Variants in CPT1C observed in about 807,000 individuals in gnomAD.
CPT1C encodes carnitine palmitoyltransferase 1C, also known as palmitoyl thioesterase CPT1C.
CPT1C carries 61 observed loss-of-function variants against 97.3 expected under a neutral mutation model. The ratio of observed to expected loss-of-function variants is 0.63; its 90% confidence interval spans 0.51 to 0.78. CPT1C has a LOEUF of 0.78. Among genes scored for constraint, CPT1C ranks in the 30% least tolerant of loss-of-function variants. CPT1C has a pLI of 0.00. For synonymous variants in CPT1C, 469 were observed against 447.2 expected (o/e 1.05, Z -0.61); for missense variants, 975 against 1,065.5 (o/e 0.92, Z 1.18).
chr19:49,712,902 C>T, intron 18 of CPT1C, 53 bp downstream of exon 18: 2 of 1,591,394 alleles, frequency 1.3e-6, no homozygotes, highest in Non-Finnish European at 1.7e-6. Flanking sequence ...GCTGGGGGGC[C>T]TGCACTCCTG....
At chr19:49,702,163 A>G (rs7246934) in intron 7 of CPT1C, among the ~76,000 whole-genome samples, 1,371 of 85,038 alleles carry the variant, frequency 0.016, 19 homozygotes, top group Middle Eastern at 0.062. Context: ...ATAAATTATA[A>G]ATAAATATAT....
Position 49,692,282 on chromosome 19 carries a change from C to G in CPT1C, c.30C>G (p.Phe10Leu), listed in dbSNP as rs753325803. The G allele has an allele frequency of 3.1e-6, 5 of 1,613,954 alleles. No homozygotes were observed. Residue 10 changes from phenylalanine to leucine, a missense_variant, in exon 3 of 20, where the codon TTC becomes TTG. By Grantham distance (22) the Phe-to-Leu change is conservative. This residue lies in a region of CPT1C where 596 missense variants were observed against 603.1 expected (regional missense o/e 0.99). Coordinates refer to ENST00000598293, the MANE Select transcript of CPT1C (RefSeq NM_001199753.2). MAEAHQAVG[F>L]RPSLTSDGAE... ...CTGAAGCGCACCAGGCCGTGGGCTT[C>G]CGACCCTCGCTGACCTCGGACGGGG...
chr19:49,701,730 C>T (rs533195493), intron 7 of CPT1C, 96 bp downstream of exon 7: 13 of 1,386,842 alleles, frequency 9.4e-6, no homozygotes, highest in African/African-American at 7.4e-5. Context: ...CCCCACGACA[C>T]GCCCACAACC....
At position 49,713,619 on chromosome 19, in the gene CPT1C, G is replaced by A. The variant is rs781172167; in HGVS notation, c.*14G>A. The A allele has an allele frequency of 1.3e-6, 2 of 1,599,588 alleles. No homozygotes were observed. The highest frequency in any genetic ancestry group is 2.2e-5 in the East Asian group (1 of 44,818). On this transcript the variant is annotated 3_prime_UTR_variant, in exon 20 of 20. Coordinates refer to ENST00000598293, the MANE Select transcript of CPT1C (RefSeq NM_001199753.2). ...ACCGACTTCTGACTCCTTCCAGCAGGCAGCTGGCCTCTCCAAGGAATAAGG... is the reference window on the plus strand; with the variant it reads ...ACCGACTTCTGACTCCTTCCAGCAGACAGCTGGCCTCTCCAAGGAATAAGG...
At chr19:49,693,067 T>C (rs958099528) in intron 3 of CPT1C, among the ~76,000 whole-genome samples, 2 of 152,194 alleles carry the variant, frequency 1.3e-5, no homozygotes, top group Admixed American at 6.5e-5. Context: ...TTTGTATTTT[T>C]AGTAGAGACG....
intron 10 of CPT1C, among the ~76,000 whole-genome samples, chr19:49,705,588 G>A (rs914635065): frequency 3.3e-5 from 5 of 151,956 alleles, no homozygotes; most frequent in Admixed American, 2.0e-4. Flanking sequence ...AGTGAGATCC[G>A]GTCTATATAC....
At chr19:49,708,002 C>CAAAAAAAAAAAAAAA (rs60276067) in intron 13 of CPT1C, among the ~76,000 whole-genome samples, 6 of 56,780 alleles carry the variant, frequency 1.1e-4, no homozygotes, top group African/African-American at 1.2e-4. Flanking sequence ...GAATACATCT[C>CAAAAAAAAAAAAAAA]AAAAAAAAAA....
At chr19:49,702,270 A>G (rs896888484) in intron 7 of CPT1C, among the ~76,000 whole-genome samples, 1 of 148,570 alleles carries the variant, frequency 6.7e-6, no homozygotes, top group African/African-American at 2.5e-5. Flanking sequence ...TTTGGGGTAT[A>G]GATGCTCCAG....
rs1425107495 is a variant in CPT1C at position 49,705,078 on chromosome 19, G to A, written c.843G>A (p.Leu281=). ...RAGNAVHALL[L]YRHRLNRQEI... is the part of the protein sequence containing the mutation. ...GGAATGCCGTCCATGCCCTCCTCCT[G>A]TACCGCCACCGCCTGAACCGCCAGG... Residue 281 remains leucine, a synonymous_variant, in exon 9 of 20, where the codon CTG becomes CTA. Transcript: ENST00000598293. 6.2e-7 allele frequency: 1 copy of A among 1,613,856 alleles called. No homozygotes were observed. Among genetic ancestry groups the A allele is most frequent in the South Asian group, 1.1e-5 (1 of 91,066 alleles).
rs772960136 is a variant in CPT1C, at chr19:49,700,664, C to T, written c.282-20C>T. The T allele has an allele frequency of 3.1e-6, 5 of 1,603,052 alleles. No homozygotes were observed. Among genetic ancestry groups the T allele is most frequent in the African/African-American group, 1.3e-5 (1 of 74,906 alleles). Reference sequence around the variant, plus strand: ...TGAGGCCAGGAGACCCAGGCCCAGCCTCTGTTTCTCTCCCCGCAGGGGTGG... The same window carrying T: ...TGAGGCCAGGAGACCCAGGCCCAGCTTCTGTTTCTCTCCCCGCAGGGGTGG... On this transcript the variant is annotated intron_variant, in intron 4 of 19. Transcript: ENST00000598293.
chr19:49,710,505 ACAGCCCCCG>A, intron 15 of CPT1C, 21 bp downstream of exon 15: 1 of 1,613,932 alleles, frequency 6.2e-7, no homozygotes, highest in Non-Finnish European at 8.5e-7. Context: ...TTCCCCATCC[ACAGCCCCCG>A]CAGGGTCTCA....
intron 12 of CPT1C, among the ~76,000 whole-genome samples, chr19:49,707,197 C>G (rs2083549667): frequency 6.6e-6 from 1 of 152,098 alleles, no homozygotes; most frequent in Non-Finnish European, 1.5e-5. Context: ...ATCACTTGAA[C>G]CCTCAGCTAC....
intron 7 of CPT1C, among the ~76,000 whole-genome samples, chr19:49,704,489 C>T (rs1051274578): frequency 6.6e-6 from 1 of 152,150 alleles, no homozygotes; most frequent in African/African-American, 2.4e-5. Context: ...TTATTTCCAC[C>T]AGCTATGTAA....
intron 16 of CPT1C, 157 bp from the exon 17 acceptor site, chr19:49,711,652 C>T: frequency 5.2e-6 from 4 of 769,482 alleles, no homozygotes; most frequent in Non-Finnish European, 6.1e-6. Flanking sequence ...CAAATGATTT[C>T]CCCTCTCTAA....
At chr19:49,698,880 A>G (rs1405279031) in intron 4 of CPT1C, among the ~76,000 whole-genome samples, 2 of 151,758 alleles carry the variant, frequency 1.3e-5, no homozygotes, top group South Asian at 4.2e-4. Flanking sequence ...AGGCGGGTGG[A>G]TCACCTGAGG....
Position 49,699,457 on chromosome 19 carries a change from TAAAAAAAAAAAAAAAAAA to T in CPT1C, c.282-1210_282-1193del, listed in dbSNP as rs71180647. Reference sequence around the variant, plus strand: ...TGGGCAACATAGAGACCCCTGTCTCTAAAAAAAAAAAAAAAAAAAAAAAAAAAAAAAAAATTCCTGGAA... The same window carrying T: ...TGGGCAACATAGAGACCCCTGTCTCTAAAAAAAAAAAAAAAATTCCTGGAA... On this transcript the variant is annotated intron_variant, in intron 4 of 19. Transcript: ENST00000598293. Among the ~76,000 whole-genome samples, 16 of 35,256 alleles carry T rather than the reference TAAAAAAAAAAAAAAAAAA, an allele frequency of 4.5e-4. 1 individual carries two copies. The highest frequency in any genetic ancestry group is 1.4e-3 in the East Asian group (1 of 738). The allele number at this position is 35,256 out of a possible 152,430, so 23.1% of individuals were successfully genotyped here.
In CPT1C at chr19:49,708,946, C is replaced by T. The variant is rs1204391673; in HGVS notation, c.1566+107C>T. The T allele has an allele frequency of 7.0e-6, 5 of 713,856 alleles. No homozygotes were observed. In the East Asian group the frequency reaches 1.3e-4, roughly 19 times the overall value. The allele number at this position is 713,856 out of a possible 1,614,324, so 44.2% of individuals were successfully genotyped here. On this transcript the variant is annotated intron_variant, in intron 14 of 19. Coordinates refer to ENST00000598293, the MANE Select transcript of CPT1C (RefSeq NM_001199753.2). ...AACGTGAAAATCAACCCCATTCCTA[C>T]CCCCAACCCGAAACCCATGCTTCCC...
Position 49,701,649 on chromosome 19 carries a change from C to T in CPT1C, c.693+15C>T, listed in dbSNP as rs1278373083. Reference sequence around the variant, plus strand: ...CGTCCAATTATGTGAGTCCCGCCACCGCCACCAACGCCCCACCTGAAGGGC... The same window carrying T: ...CGTCCAATTATGTGAGTCCCGCCACTGCCACCAACGCCCCACCTGAAGGGC... On this transcript the variant is annotated intron_variant, in intron 7 of 19. Transcript: ENST00000598293. 1.3e-6 allele frequency: 2 copies of T among 1,583,256 alleles called. No individual in the cohort carries two copies. Among genetic ancestry groups the T allele is most frequent in the South Asian group, 2.2e-5 (2 of 89,188 alleles).
intron 3 of CPT1C, among the ~76,000 whole-genome samples, chr19:49,693,622 T>C (rs1351136716): frequency 3.3e-5 from 5 of 152,122 alleles, no homozygotes; most frequent in Admixed American, 2.0e-4. Context: ...ACACAGCAGA[T>C]ATCAACAGAC....
Sources: allele counts gnomAD v4.1 joint callset (sites outside exome capture counted in the v4.1 genomes callset), GRCh38; gene constraint gnomAD v4.1.1; regional missense constraint gnomAD v4.1.1; transcripts MANE v1.5; gene names NCBI Gene and HGNC (gene_info 2026-07-23, HGNC 2026-07-21).